The following ITGA9 variants were observed in gnomAD, a reference collection of about 807,000 sequenced individuals.
ITGA9 encodes the protein integrin alpha-9.
In ITGA9, 56 loss-of-function variants were observed where a neutral mutation model predicts 127.8. The observed-to-expected ratio is 0.44, with a 90% confidence interval of 0.35 to 0.55. The LOEUF (loss-of-function observed/expected upper bound fraction) is 0.55. Ranked by LOEUF, ITGA9 falls within the 20% of genes least tolerant of loss-of-function variation. ITGA9 has a pLI of 0.00. For synonymous variants in ITGA9, 508 were observed against 514.5 expected (o/e 0.99, Z 0.17); for missense variants, 1,196 against 1,347.1 (o/e 0.89, Z 1.76).
chr3:37,512,538 G>C (rs1311205388), intron 8 of ITGA9, among the ~76,000 whole-genome samples: 1 of 151,950 alleles, frequency 6.6e-6, no homozygotes, highest in African/African-American at 2.4e-5. Context: ...TTTTAAAGTA[G>C]AGGTTGCAAA....
At chr3:37,596,934 C>A (rs1309190749) in intron 15 of ITGA9, among the ~76,000 whole-genome samples, 1 of 152,170 alleles carries the variant, frequency 6.6e-6, no homozygotes, top group Non-Finnish European at 1.5e-5. Flanking sequence ...AAGCCAACAC[C>A]CAAAGACACC....
chr3:37,650,709 G>A (rs183873671), intron 16 of ITGA9, among the ~76,000 whole-genome samples: 8 of 152,208 alleles, frequency 5.3e-5, no homozygotes, highest in Non-Finnish European at 1.0e-4. Flanking sequence ...GGGATTACAG[G>A]TGTGAGCCAC....
intron 22 of ITGA9, chr3:37,748,094 T>TC (rs1314402279): frequency 2.2e-6 from 1 of 454,892 alleles, no homozygotes; most frequent in African/African-American, 2.0e-5. Flanking sequence ...ACCACCATCT[T>TC]CCAGTAATTC....
intron 16 of ITGA9, among the ~76,000 whole-genome samples, chr3:37,647,836 T>C (rs1700393456): frequency 6.7e-6 from 1 of 150,066 alleles, no homozygotes; most frequent in Non-Finnish European, 1.5e-5. Context: ...AATATTCCAT[T>C]GTATGTTTAT....
chr3:37,737,660 G>T (rs1696379494), intron 20 of ITGA9, among the ~76,000 whole-genome samples: 1 of 152,198 alleles, frequency 6.6e-6, no homozygotes, highest in African/African-American at 2.4e-5. Context: ...GCACTTGGCT[G>T]GCAGCTCCAG....
At chr3:37,591,551 T>TG (rs1044865541) in intron 15 of ITGA9, among the ~76,000 whole-genome samples, 4 of 152,092 alleles carry the variant, frequency 2.6e-5, no homozygotes, top group Admixed American at 2.0e-4. Context: ...AAGATTTCTC[T>TG]GGGGGGTTGG....
intron 23 of ITGA9, among the ~76,000 whole-genome samples, chr3:37,758,791 C>T (rs1057026648): frequency 6.6e-6 from 1 of 151,952 alleles, no homozygotes; most frequent in African/African-American, 2.4e-5. Flanking sequence ...GTTATTGTCT[C>T]CCTAAAAAAA....
intron 18 of ITGA9, among the ~76,000 whole-genome samples, chr3:37,717,088 T>G (rs1701143674): frequency 6.6e-6 from 1 of 152,224 alleles, no homozygotes; most frequent in Admixed American, 6.5e-5. Context: ...GCTTCAGCCC[T>G]AAGCTGGTAT....
At chr3:37,613,899 T>A (rs1700048426) in intron 15 of ITGA9, among the ~76,000 whole-genome samples, 1 of 152,200 alleles carries the variant, frequency 6.6e-6, no homozygotes, top group Admixed American at 6.5e-5. Context: ...AAAAATTTTC[T>A]CCCATTCTGT....
intron 4 of ITGA9, among the ~76,000 whole-genome samples, chr3:37,484,975 G>A (rs1463583274): frequency 6.6e-6 from 1 of 152,176 alleles, no homozygotes; most frequent in Non-Finnish European, 1.5e-5. Flanking sequence ...ACTGACTTGT[G>A]TACCGGGAAT....
At chr3:37,559,450 C>T (rs957620936) in intron 15 of ITGA9, among the ~76,000 whole-genome samples, 4 of 152,196 alleles carry the variant, frequency 2.6e-5, no homozygotes, top group Admixed American at 2.0e-4. Flanking sequence ...TTTTAAAGTG[C>T]TAAGCTCAGC....
chr3:37,598,289 T>C (rs1699886783), intron 15 of ITGA9, among the ~76,000 whole-genome samples: 2 of 152,058 alleles, frequency 1.3e-5, no homozygotes, highest in South Asian at 4.1e-4. Context: ...AGAAAGAGCA[T>C]GTTCAAAGGC....
rs1017955662 is a variant in ITGA9, at chr3:37,533,223, G to T, written c.1374-91G>T. 1.0e-5 allele frequency: 12 copies of T among 1,143,520 alleles called. No individual in the cohort carries two copies. The African/African-American group carries it at 1.7e-4, about 16-fold the overall frequency. 70.8% of individuals were successfully genotyped at this position (1,143,520 alleles called of 1,614,324 possible). A position where few individuals can be genotyped will look rare whatever the true frequency, so the allele number is the denominator to read the frequency against. ...GCTTTAATTAAATGCTGGGTTGAAG[G>T]CCTAGGATTTATCCTGTTGGTCTAG... On this transcript the variant is annotated intron_variant, in intron 13 of 27. Transcript: ENST00000264741.
chr3:37,652,382 C>T (rs1700437380), intron 16 of ITGA9, among the ~76,000 whole-genome samples: 1 of 152,170 alleles, frequency 6.6e-6, no homozygotes, highest in Admixed American at 6.5e-5. Flanking sequence ...TTGAAATCTC[C>T]TGGAAATTTG....
At chr3:37,633,618 T>C (rs1020796011) in intron 16 of ITGA9, among the ~76,000 whole-genome samples, 2 of 152,168 alleles carry the variant, frequency 1.3e-5, no homozygotes, top group African/African-American at 4.8e-5. Context: ...GAACTAAAAT[T>C]AACTGCTGGA....
chr3:37,503,167 C>CT lies in ITGA9; in HGVS notation c.613-6dup. On this transcript the variant is annotated splice_polypyrimidine_tract_variant and intron_variant, in intron 5 of 27. Coordinates refer to ENST00000264741, the MANE Select transcript of ITGA9 (RefSeq NM_002207.3). ...TCCTTCTCTGCTTACCGTTGGATTT[C>CT]TTTTTGGTAGGAGCTGGTGGTGATG... is the stretch of plus-strand genomic sequence containing the variant. 1.9e-6 allele frequency: 3 copies of CT among 1,613,626 alleles called. No homozygotes were observed. Among genetic ancestry groups the CT allele is most frequent in the South Asian group, 2.2e-5 (2 of 91,050 alleles).
intron 15 of ITGA9, among the ~76,000 whole-genome samples, chr3:37,567,781 G>C (rs1422640239): frequency 2.0e-5 from 3 of 152,190 alleles, no homozygotes; most frequent in Non-Finnish European, 2.9e-5. Flanking sequence ...TCTGGGTCAT[G>C]CTGATGCAAA....
intron 18 of ITGA9, among the ~76,000 whole-genome samples, chr3:37,690,489 G>A (rs189987731): frequency 1.1e-4 from 16 of 152,258 alleles, no homozygotes; most frequent in Non-Finnish European, 2.1e-4. Context: ...ATGTGACCAG[G>A]GATAGGCAGG....
intron 14 of ITGA9, among the ~76,000 whole-genome samples, chr3:37,539,067 GGTT>G (rs1478603195): frequency 6.6e-6 from 1 of 152,180 alleles, no homozygotes; most frequent in East Asian, 1.9e-4. Flanking sequence ...GTGAACTGTG[GGTT>G]GTTTCTCTCT....
Sources: allele counts gnomAD v4.1 joint callset (sites outside exome capture counted in the v4.1 genomes callset), GRCh38; gene constraint gnomAD v4.1.1; transcripts MANE v1.5; gene names NCBI Gene and HGNC (gene_info 2026-07-23, HGNC 2026-07-21).